The following CBLB variants were observed in gnomAD, a reference collection of about 807,000 sequenced individuals.
CBLB encodes E3 ubiquitin-protein ligase CBL-B.
A neutral mutation model predicts 104.9 loss-of-function variants in CBLB; 31 were observed. The ratio of observed to expected loss-of-function variants is 0.30; its 90% confidence interval spans 0.22 to 0.40. The LOEUF (loss-of-function observed/expected upper bound fraction) is 0.40, where lower values mean the gene tolerates loss of function less well. Among genes scored for constraint, CBLB ranks in the 10% least tolerant of loss-of-function variants. The pLI is 1.00. For synonymous variants in CBLB, 440 were observed against 422.6 expected, an observed-to-expected ratio of 1.04 and a Z score of -0.51; for missense variants, 1,062 against 1,214.6, an observed-to-expected ratio of 0.87 and a Z score of 1.87.
chr3:105,819,837 C>T (rs967464542), intron 3 of CBLB, among the ~76,000 whole-genome samples: 26 of 151,846 alleles, frequency 1.7e-4, no homozygotes, highest in African/African-American at 5.3e-4. Context: ...ATGTGAAATC[C>T]CACTTACCCT....
chr3:105,745,863 G>A (rs771697562), intron 6 of CBLB, 54 bp downstream of exon 6: 8 of 1,545,002 alleles, frequency 5.2e-6, no homozygotes, highest in Non-Finnish European at 7.1e-6. Context: ...ACAAACCATG[G>A]AGAATTTTTC....
At chr3:105,675,241 C>T (rs1056487207) in intron 17 of CBLB, among the ~76,000 whole-genome samples, 1 of 152,074 alleles carries the variant, frequency 6.6e-6, no homozygotes, top group African/African-American at 2.4e-5. Context: ...ACAGACTGAA[C>T]AACGAAAACA....
intron 3 of CBLB, among the ~76,000 whole-genome samples, chr3:105,847,137 G>GT (rs1428203563): frequency 6.6e-6 from 1 of 151,906 alleles, no homozygotes; most frequent in African/African-American, 2.4e-5. Flanking sequence ...ATTGCAAAAT[G>GT]TTTTTTGGTA....
chr3:105,745,875 T>C lies in CBLB; in HGVS notation c.845+42A>G, dbSNP rs891078665. ...GGAACAAACCATGGAGAATTTTTCA[T>C]CTTTGGATATATCACATAATATTAC... On this transcript the variant is annotated intron_variant, in intron 6 of 18. Transcript: ENST00000394030. 6 of 1,579,152 alleles carry C rather than the reference T, an allele frequency of 3.8e-6. No individual in the cohort carries two copies. The South Asian group carries it at 5.6e-5, about 15-fold the overall frequency.
At chr3:105,766,967 T>C (rs2078293831) in intron 4 of CBLB, among the ~76,000 whole-genome samples, 1 of 152,308 alleles carries the variant, frequency 6.6e-6, no homozygotes, top group Non-Finnish European at 1.5e-5. Flanking sequence ...TGCTTACAGG[T>C]AGAAAATTAC....
chr3:105,848,760 T>C (rs2090590907), intron 3 of CBLB, among the ~76,000 whole-genome samples: 1 of 152,140 alleles, frequency 6.6e-6, no homozygotes, highest in South Asian at 2.1e-4. Flanking sequence ...CTGTCCTTCA[T>C]TTTTAGCTCA....
rs189362415 is a variant in CBLB at position 105,824,030 on chromosome 3, A to T, written c.419+29384T>A. The stretch of plus-strand genomic sequence containing the variant: ...TCACCTTTCCTACTTCACCCTTTTG[A>T]ACTCATAGGTTCTCCAAAACTCCTC... On this transcript the variant is annotated intron_variant, in intron 3 of 18. Transcript: ENST00000394030. 2.6e-5 allele frequency among the ~76,000 whole-genome samples: 4 copies of T among 152,198 alleles called. No homozygotes were observed. The East Asian group carries it at 7.7e-4, about 29-fold the overall frequency.
chr3:105,765,131 G>C (rs1193768330), intron 4 of CBLB, among the ~76,000 whole-genome samples: 2 of 152,150 alleles, frequency 1.3e-5, no homozygotes, highest in Admixed American at 6.5e-5. Context: ...GATGAATGTG[G>C]CTACACAAAA....
At position 105,657,222 on chromosome 3, in the gene CBLB, T is replaced by G. The variant is rs1045987986; in HGVS notation, c.*1748A>C. 1 of 221,618 alleles carries G rather than the reference T, an allele frequency of 4.5e-6. No homozygotes were observed. Among genetic ancestry groups the G allele is most frequent in the Non-Finnish European group, 9.0e-6 (1 of 110,786 alleles). 13.7% of individuals were successfully genotyped at this position (221,618 alleles called of 1,614,324 possible). On this transcript the variant is annotated 3_prime_UTR_variant, in exon 19 of 19. Coordinates refer to ENST00000394030, the MANE Select transcript of CBLB (RefSeq NM_170662.5). Reference sequence around the variant, plus strand: ...CAACTTAGTCTACGTGTCTTTTGTATAACATTAATTTCCACCAGATCTACT... The same window carrying G: ...CAACTTAGTCTACGTGTCTTTTGTAGAACATTAATTTCCACCAGATCTACT...
chr3:105,865,712 T>C (rs1025072558), intron 2 of CBLB, among the ~76,000 whole-genome samples: 8 of 152,216 alleles, frequency 5.3e-5, no homozygotes, highest in African/African-American at 1.9e-4. Flanking sequence ...CACATCCTTA[T>C]ATAAATCTTT....
chr3:105,732,222 CCTA>C (rs151262643), intron 9 of CBLB, among the ~76,000 whole-genome samples: 11,079 of 152,266 alleles, frequency 0.073, 556 homozygotes, highest in East Asian at 0.28. Context: ...TATAATACCT[CCTA>C]CTGACACATT....
intron 3 of CBLB, among the ~76,000 whole-genome samples, chr3:105,843,286 T>C (rs1221818165): frequency 6.6e-6 from 1 of 152,242 alleles, no homozygotes; most frequent in East Asian, 1.9e-4. Context: ...AAATCATGTT[T>C]AATACTCCAT....
intron 13 of CBLB, among the ~76,000 whole-genome samples, chr3:105,691,288 C>T (rs1405749941): frequency 6.6e-6 from 1 of 152,184 alleles, no homozygotes; most frequent in Non-Finnish European, 1.5e-5. Context: ...TGCTGGCAAG[C>T]ATGCACTGTT....
chr3:105,849,402 T>C (rs1867192), intron 3 of CBLB, among the ~76,000 whole-genome samples: 35,291 of 151,964 alleles, frequency 0.23, 4,353 homozygotes, highest in East Asian at 0.42. Flanking sequence ...TAGGGTTGCA[T>C]TTAGGACAGT....
At chr3:105,780,238 G>A (rs1320203465) in intron 3 of CBLB, among the ~76,000 whole-genome samples, 2 of 151,802 alleles carry the variant, frequency 1.3e-5, no homozygotes, top group Admixed American at 6.6e-5. Flanking sequence ...TCTAGACATA[G>A]GGAGAAGAAA....
At chr3:105,760,952 G>A (rs181374078) in intron 4 of CBLB, among the ~76,000 whole-genome samples, 255 of 152,220 alleles carry the variant, frequency 1.7e-3, no homozygotes, top group African/African-American at 4.9e-3. Context: ...AAATAAGGAA[G>A]AATAGAAAGA....
intron 4 of CBLB, among the ~76,000 whole-genome samples, chr3:105,774,266 T>C (rs562473951): frequency 6.6e-6 from 1 of 152,190 alleles, no homozygotes; most frequent in African/African-American, 2.4e-5. Context: ...CAAACAGTAT[T>C]AGAGCATAAT....
chr3:105,708,486 A>G (rs2070554413), intron 10 of CBLB, among the ~76,000 whole-genome samples: 1 of 152,106 alleles, frequency 6.6e-6, no homozygotes, highest in Non-Finnish European at 1.5e-5. Context: ...TTGATTAGAA[A>G]ATGTAAATTT....
chr3:105,685,260 AC>A lies in CBLB; in HGVS notation c.2201+59del, dbSNP rs886703657. ...ACGTGAATCAATTGTTTAAAAACAAACATTACAAATGATAATGCTTATGCAG... is the reference window on the plus strand; with the variant it reads ...ACGTGAATCAATTGTTTAAAAACAAAATTACAAATGATAATGCTTATGCAG... On this transcript the variant is annotated intron_variant, in intron 14 of 18. Transcript: ENST00000394030. 3 of 1,405,794 alleles carry A rather than the reference AC, an allele frequency of 2.1e-6. No homozygotes were observed. In the African/African-American group the frequency reaches 4.3e-5, roughly 20 times the overall value. 87.1% of individuals were successfully genotyped at this position (1,405,794 alleles called of 1,614,324 possible). A position where few individuals can be genotyped will look rare whatever the true frequency, so the allele number is the denominator to read the frequency against.
Sources: allele counts gnomAD v4.1 joint callset (sites outside exome capture counted in the v4.1 genomes callset), GRCh38; gene constraint gnomAD v4.1.1; transcripts MANE v1.5; gene names NCBI Gene and HGNC (gene_info 2026-07-23, HGNC 2026-07-21).